IRAG2: variants seen among roughly 807,000 people sequenced by gnomAD.
IRAG2 encodes the protein inositol 1,4,5-triphosphate receptor associated 2.
IRAG2 carries 45 observed loss-of-function variants against 69.9 expected under a neutral mutation model. The ratio of observed to expected loss-of-function variants is 0.64; its 90% CI spans 0.51 to 0.83. The LOEUF (loss-of-function observed/expected upper bound fraction) is 0.83. Among genes scored for constraint, IRAG2 ranks in the 40% least tolerant of loss-of-function variants. The probability of loss-of-function intolerance (pLI) is 0.00; values close to 1 mark genes in which losing one functional copy is unlikely to be tolerated. For synonymous variants in IRAG2, 193 were observed against 202.4 expected (o/e 0.95, Z 0.40); for missense variants, 520 against 587.0 (o/e 0.89, Z 1.18).
intron 12 of IRAG2, among the ~76,000 whole-genome samples, chr12:25,033,312 C>T (rs1309700584): frequency 1.3e-5 from 2 of 152,150 alleles, no homozygotes; most frequent in Non-Finnish European, 2.9e-5. Context: ...TCCTAACACA[C>T]ATCATCCTGT....
intron 9 of IRAG2, among the ~76,000 whole-genome samples, chr12:25,029,893 A>G (rs1446681542): frequency 6.6e-6 from 1 of 152,160 alleles, no homozygotes; most frequent in African/African-American, 2.4e-5. Flanking sequence ...TCCTCATGGA[A>G]TCTCTATGTT....
exon 10 of IRAG2, chr12:25,030,310 T>G: frequency 2.4e-6 from 3 of 1,231,698 alleles, no homozygotes; most frequent in Non-Finnish European, 3.0e-6. Context: ...ACACTTTGCT[T>G]AATAAAGATA....
At chr12:25,041,143 T>C (rs898405834) in intron 16 of IRAG2, among the ~76,000 whole-genome samples, 4 of 151,890 alleles carry the variant, frequency 2.6e-5, no homozygotes, top group Non-Finnish European at 5.9e-5. Flanking sequence ...GAGGTTGTAG[T>C]GAGCTTGTTG....
intron 21 of IRAG2, 71 bp from the exon 22 acceptor site, chr12:25,107,746 G>A: frequency 2.1e-6 from 3 of 1,433,464 alleles, no homozygotes; most frequent in East Asian, 2.3e-5. Flanking sequence ...CCTGACTGGT[G>A]GTGTTAGCAA....
At chr12:25,059,152 G>A (rs1052021706) in intron 1 of IRAG2, among the ~76,000 whole-genome samples, 1 of 152,010 alleles carries the variant, frequency 6.6e-6, no homozygotes, top group Non-Finnish European at 1.5e-5. Context: ...TTTGTATTTT[G>A]GAGATACACG....
intron 9 of IRAG2, 142 bp from the exon 10 acceptor site, chr12:25,083,281 A>G: frequency 1.4e-6 from 1 of 713,626 alleles, no homozygotes; most frequent in African/African-American, 1.8e-5. Flanking sequence ...GCACGTATAC[A>G]TTTTTTGTAG....
chr12:25,050,543 ACAAAC>A (rs1448749302), upstream of IRAG2, among the ~76,000 whole-genome samples: 1,769 of 54,510 alleles, frequency 0.032, 276 homozygotes, highest in East Asian at 0.055. Context: ...AAACAAACAA[ACAAAC>A]AAACAAAAAA....
intron 3 of IRAG2, among the ~76,000 whole-genome samples, chr12:25,012,052 AAAAGGT>A (rs1944479041): frequency 1.3e-5 from 2 of 152,232 alleles, no homozygotes; most frequent in Admixed American, 1.3e-4. Flanking sequence ...AGGAAAAAGA[AAAAGGT>A]AAAGGAGGAG....
At chr12:25,009,924 C>T (rs970404994) in intron 2 of IRAG2, among the ~76,000 whole-genome samples, 1 of 152,154 alleles carries the variant, frequency 6.6e-6, no homozygotes, top group African/African-American at 2.4e-5. Context: ...GGATGAGGCC[C>T]ACCTGCACTA....
upstream of IRAG2, among the ~76,000 whole-genome samples, chr12:25,049,126 C>G (rs1309915337): frequency 1.3e-5 from 2 of 152,112 alleles, no homozygotes; most frequent in Non-Finnish European, 2.9e-5. Context: ...GTACCAGTAC[C>G]ATGCTATTTG....
At chr12:25,035,527 C>T in intron 13 of IRAG2, 1 of 396,510 alleles carries the variant, frequency 2.5e-6, no homozygotes, top group Non-Finnish European at 4.4e-6. Flanking sequence ...GAGAATTTCA[C>T]AAGACTATTG....
intron 3 of IRAG2, among the ~76,000 whole-genome samples, chr12:25,011,805 G>A (rs1944476317): frequency 6.6e-6 from 1 of 152,152 alleles, no homozygotes; most frequent in African/African-American, 2.4e-5. Context: ...GGCTGGACAT[G>A]CTTTGGGAAC....
At chr12:25,035,237 G>C (rs1326869139) in intron 13 of IRAG2, among the ~76,000 whole-genome samples, 1 of 152,140 alleles carries the variant, frequency 6.6e-6, no homozygotes, top group African/African-American at 2.4e-5. Context: ...AGAAGTATAG[G>C]GAATGTACTT....
intron 3 of IRAG2, among the ~76,000 whole-genome samples, chr12:25,013,163 T>C (rs1049834666): frequency 6.6e-6 from 1 of 152,110 alleles, no homozygotes; most frequent in Non-Finnish European, 1.5e-5. Context: ...AATTTAGGAA[T>C]GTGTATCAGG....
intron 10 of IRAG2, among the ~76,000 whole-genome samples, chr12:25,087,153 CTTTTT>C (rs780510333): frequency 1.3e-5 from 1 of 76,656 alleles, no homozygotes; most frequent in Admixed American, 2.1e-4. Flanking sequence ...ACTCTCCTTC[CTTTTT>C]TTTTTTTTTT....
At chr12:25,039,441 T>G in intron 16 of IRAG2, among the ~76,000 whole-genome samples, 1 of 152,140 alleles carries the variant, frequency 6.6e-6, no homozygotes, top group African/African-American at 2.4e-5. Context: ...AACATTCTTC[T>G]TTTTTTTGAG....
intron 14 of IRAG2, chr12:25,036,549 G>A (rs1944703728): frequency 2.5e-6 from 1 of 398,524 alleles, no homozygotes; most frequent in South Asian, 1.3e-4. Flanking sequence ...AATAGCATAT[G>A]TCTTCCTAGT....
intron 15 of IRAG2, among the ~76,000 whole-genome samples, chr12:25,037,314 T>G (rs1443276540): frequency 6.6e-6 from 1 of 152,166 alleles, no homozygotes; most frequent in Non-Finnish European, 1.5e-5. Context: ...TTGTTTTTGT[T>G]TTTTAAAAAG....
chr12:25,103,371 C>T (rs7976145), intron 17 of IRAG2: 28,277 of 154,852 alleles, frequency 0.18, 2,724 homozygotes, highest in Middle Eastern at 0.25. Context: ...TTTCTAAGCA[C>T]AGAAGCAATG....
Sources: gnomAD v4.1 joint callset for allele counts (sites outside exome capture counted in the v4.1 genomes callset) on GRCh38, gnomAD v4.1.1 for gene constraint, MANE v1.5 for transcripts, NCBI Gene and HGNC (gene_info 2026-07-23, HGNC 2026-07-21) for gene names.